The following TTC34 variants were observed in gnomAD, a reference collection of about 807,000 sequenced individuals.
TTC34 encodes tetratricopeptide repeat protein 34.
Under a neutral mutation model 40.7 loss-of-function variants are expected in TTC34, and 44 were observed. The ratio of observed to expected loss-of-function variants is 1.08; its 90% CI spans 0.85 to 1.39. TTC34 has a LOEUF of 1.39. Ranked by LOEUF, TTC34 falls within the 40% of genes most tolerant of loss-of-function variation. The pLI, the probability that TTC34 is intolerant of heterozygous loss-of-function variation, is 0.00. For missense variants in TTC34, 884 were observed against 838.0 expected, an observed-to-expected ratio of 1.05 and a Z score of -0.68; for synonymous variants, 422 against 398.6, an observed-to-expected ratio of 1.06 and a Z score of -0.70.
chr1:2,792,429 C>T (rs138583566), intron 2 of TTC34, among the ~76,000 whole-genome samples: 2 of 152,086 alleles, frequency 1.3e-5, no homozygotes, highest in South Asian at 2.1e-4. Flanking sequence ...TTTTATTTTC[C>T]TGTCTCTTTG....
chr1:2,646,800 G>A (rs1200706887), intron 6 of TTC34, among the ~76,000 whole-genome samples: 1 of 152,238 alleles, frequency 6.6e-6, no homozygotes, highest in Admixed American at 6.5e-5. Context: ...TCAGGCATCA[G>A]TTCTCTTCAA....
chr1:2,752,362 C>CA (rs1641349568), intron 6 of TTC34, among the ~76,000 whole-genome samples: 2 of 127,458 alleles, frequency 1.6e-5, no homozygotes, highest in Non-Finnish European at 3.2e-5. Context: ...CCTGGAACAG[C>CA]ACCCACACCC....
At chr1:2,748,152 A>C (rs1641210390) in intron 6 of TTC34, among the ~76,000 whole-genome samples, 1 of 74,962 alleles carries the variant, frequency 1.3e-5, no homozygotes, top group African/African-American at 9.7e-5. Context: ...ATGGAGCAGC[A>C]CCCACACCCC....
In TTC34 at chr1:2,645,676, G is replaced by A. The variant is rs1181530041; in HGVS notation, c.2227-113C>T. On this transcript the variant is annotated intron_variant, in intron 6 of 8. Transcript: ENST00000401095. The surrounding 1 kb of genome is among the most constrained non-coding windows in gnomAD (Gnocchi z 4.7). ...TTCTCATTCCCTGATCTTCTCCCTG[G>A]GGTCCTAGAGGGTCTGAACACCCAG... is the stretch of plus-strand genomic sequence containing the variant. 8.0e-6 allele frequency: 9 copies of A among 1,131,832 alleles called. No individual in the cohort carries two copies. The highest frequency in any genetic ancestry group is 1.1e-5 in the Non-Finnish European group (9 of 855,498). 70.1% of individuals were successfully genotyped at this position (1,131,832 alleles called of 1,614,324 possible).
chr1:2,645,490 T>A lies in TTC34; in HGVS notation c.2300A>T (p.Lys767Met). The A allele has an allele frequency of 6.5e-7, 1 of 1,529,900 alleles. No individual in the cohort carries two copies. 94.8% of individuals were successfully genotyped at this position (1,529,900 alleles called of 1,614,324 possible). Residue 767 changes from lysine (K) to methionine (M), a missense_variant, in exon 7 of 9, where the codon AAG becomes ATG. Physicochemically the swap from Lys to Met is moderately conservative, Grantham distance 95 (BLOSUM62 -1). Coordinates refer to ENST00000401095, the Ensembl canonical transcript of TTC34. This position sits in a 1 kb window ranked among gnomAD's most constrained non-coding sequence, Gnocchi z 4.7. ...TGTGATGAGGGCCTGGGCTTCCGGC[T>A]TCAGAGAGCGGAGCTCAGGGACCAC...
At chr1:2,786,205 T>C (rs551941210) in intron 4 of TTC34, among the ~76,000 whole-genome samples, 182 bp from the exon 5 acceptor site, 3 of 150,538 alleles carry the variant, frequency 2.0e-5, no homozygotes, top group African/African-American at 7.3e-5. Context: ...CCCCTGGCAA[T>C]TCCTCACCCC....
At chr1:2,752,771 T>A (rs1374882566) in intron 6 of TTC34, among the ~76,000 whole-genome samples, 2 of 86,486 alleles carry the variant, frequency 2.3e-5, no homozygotes, top group East Asian at 5.0e-4. Context: ...ACAGCACCCA[T>A]ACGCCCAGAT....
At chr1:2,777,337 CA>C (rs1319377351) in intron 6 of TTC34, among the ~76,000 whole-genome samples, 1 of 150,036 alleles carries the variant, frequency 6.7e-6, no homozygotes, top group Non-Finnish European at 1.5e-5. Flanking sequence ...CCCACACCTC[CA>C]GGGGGAGCAT....
intron 6 of TTC34, among the ~76,000 whole-genome samples, chr1:2,683,598 G>C (rs1311664591): frequency 1.4e-5 from 2 of 144,752 alleles, no homozygotes; most frequent in Non-Finnish European, 3.0e-5. Flanking sequence ...CACACACTCA[G>C]GCGAGCATCT....
intron 6 of TTC34, among the ~76,000 whole-genome samples, chr1:2,695,740 G>A (rs558311415): frequency 1.3e-5 from 2 of 151,044 alleles, no homozygotes; most frequent in African/African-American, 4.9e-5. Context: ...CTGAAATCCT[G>A]GAACAGCACC....
At chr1:2,769,853 G>C (rs1194722800) in intron 6 of TTC34, among the ~76,000 whole-genome samples, 1 of 88,618 alleles carries the variant, frequency 1.1e-5, no homozygotes, top group Non-Finnish European at 2.1e-5. Flanking sequence ...GCATCTGACA[G>C]CCTGGAGCAG....
chr1:2,790,013 A>G, exon 3 of TTC34: 1 of 395,176 alleles, frequency 2.5e-6, no homozygotes, highest in Non-Finnish European at 4.5e-6. Flanking sequence ...GCGGGCTCCC[A>G]GCGCGGGTCG....
chr1:2,684,571 C>A (rs1458970457), intron 6 of TTC34, among the ~76,000 whole-genome samples: 48 of 139,866 alleles, frequency 3.4e-4, no homozygotes, highest in East Asian at 2.0e-3. Context: ...AGGTGAGCAT[C>A]CGATAGCCTG....
exon 9 of TTC34, chr1:2,641,674 C>T: frequency 6.5e-7 from 1 of 1,535,466 alleles, no homozygotes; most frequent in Non-Finnish European, 8.7e-7. Context: ...GGCAGAAGTC[C>T]TCTGCCCGCC....
rs1449678851 is a variant in TTC34, at chr1:2,750,942, G to A, written c.2226+32667C>T. ...GCACCCACACCTTCAGGCGAGCATC[G>A]GACAGCCTGGAGCAGCACCCACACC... is the stretch of plus-strand genomic sequence containing the variant. On this transcript the variant is annotated intron_variant, in intron 6 of 8. Coordinates refer to ENST00000401095, the Ensembl canonical transcript of TTC34. Among the ~76,000 whole-genome samples the A allele has an allele frequency of 7.2e-4, 25 of 34,960 alleles. 8 individuals carry two copies. Among genetic ancestry groups the A allele is most frequent in the South Asian group, 2.8e-3 (3 of 1,086 alleles). 22.9% of individuals were successfully genotyped at this position (34,960 alleles called of 152,430 possible).
chr1:2,685,239 C>T (rs1157079089), intron 6 of TTC34, among the ~76,000 whole-genome samples: 4 of 96,870 alleles, frequency 4.1e-5, no homozygotes, highest in Non-Finnish European at 6.3e-5. Flanking sequence ...GCACCCACAC[C>T]CCAGGTGAGC....
rs570472009 is a variant in TTC34 at position 2,691,906 on chromosome 1, C to T, written c.2227-46343G>A. ...ACAGCCAGGAGCAGCAACCTGCACA[C>T]CCAGGTGAGCATCTGACAGTCTGGA... On this transcript the variant is annotated intron_variant, in intron 6 of 8. Coordinates refer to ENST00000401095, the Ensembl canonical transcript of TTC34. Among the ~76,000 whole-genome samples the T allele has an allele frequency of 2.7e-5, 2 of 74,822 alleles. 1 individual carries two copies. Among genetic ancestry groups the T allele is most frequent in the East Asian group, 9.1e-4 (2 of 2,208 alleles). The allele number at this position is 74,822 out of a possible 152,430, so 49.1% of individuals were successfully genotyped here.
At chr1:2,784,990 T>TGCTCTGGTCC (rs1553170482) in intron 5 of TTC34, among the ~76,000 whole-genome samples, 14 of 150,838 alleles carry the variant, frequency 9.3e-5, no homozygotes, top group African/African-American at 3.4e-4. Context: ...CGCTCTGGGC[T>TGCTCTGGTCC]GCTCTGGGCC....
chr1:2,644,467 C>G (rs1212615270), exon 8 of TTC34: 1 of 1,533,198 alleles, frequency 6.5e-7, no homozygotes, highest in Non-Finnish European at 8.7e-7. Context: ...GTGCCAGCTT[C>G]CTCGTAGCTG....
Sources: allele counts gnomAD v4.1 joint callset (sites outside exome capture counted in the v4.1 genomes callset), GRCh38; gene constraint gnomAD v4.1.1; non-coding constraint Gnocchi (gnomAD v3.1); transcripts MANE v1.5; gene names NCBI Gene and HGNC (gene_info 2026-07-23, HGNC 2026-07-21).